The following COL19A1 variants were observed in gnomAD, a reference collection of about 807,000 sequenced individuals.
The protein encoded by COL19A1 is collagen type XIX alpha 1 chain.
In COL19A1, 159 loss-of-function variants were observed where a neutral mutation model predicts 190.2. The observed-to-expected ratio is 0.84, with a 90% CI of 0.73 to 0.95. COL19A1 has a LOEUF of 0.95. COL19A1 is among the 40% of genes least tolerant of loss of function. The probability of loss-of-function intolerance (pLI) is 0.00; values close to 1 mark genes in which losing one functional copy is unlikely to be tolerated. For missense variants in COL19A1, 1,418 were observed against 1,431.9 expected (o/e 0.99, Z 0.16); for synonymous variants, 509 against 458.9 (o/e 1.11, Z -1.39).
chr6:70,109,031 AAC>A (rs1430569115), intron 16 of COL19A1, among the ~76,000 whole-genome samples: 1 of 152,292 alleles, frequency 6.6e-6, no homozygotes, highest in Admixed American at 6.6e-5. Context: ...AGTGGTTAAA[AAC>A]ACAAAGCAAC....
intron 2 of COL19A1, among the ~76,000 whole-genome samples, chr6:69,886,637 G>A (rs1768965483): frequency 6.6e-6 from 1 of 151,536 alleles, no homozygotes. Flanking sequence ...TTTGTGTGGT[G>A]AAATTTTAGT....
At chr6:70,003,835 T>G (rs765158621) in intron 11 of COL19A1, among the ~76,000 whole-genome samples, 18 of 152,224 alleles carry the variant, frequency 1.2e-4, no homozygotes, top group Non-Finnish European at 2.2e-4. Flanking sequence ...AATTTGCCAG[T>G]CTGTGTCTTT....
intron 14 of COL19A1, among the ~76,000 whole-genome samples, chr6:70,054,307 G>A (rs373340080): frequency 7.9e-5 from 12 of 152,258 alleles, no homozygotes; most frequent in South Asian, 2.1e-4. Context: ...CTGGAATTGC[G>A]CCACTGTACT....
rs754010214 is a variant in COL19A1, at chr6:70,165,947, G to A, written c.2407G>A (p.Asp803Asn). The A allele has an allele frequency of 6.2e-6, 10 of 1,613,840 alleles. 1 individual carries two copies. The South Asian group carries it at 7.7e-5, about 12-fold the overall frequency. ...GTCTATATATCCCTTGCAGGGCAGC[G>A]ACGGACCCCCTGGGAAACCCGGACC... is the stretch of plus-strand genomic sequence containing the variant. ...PTGAKGEKGS[D>N]GPPGKPGPPG... The change falls in exon 37 of 51, where the codon GAC (aspartate) becomes AAC (asparagine). Residue 803 changes from aspartate to asparagine, a missense_variant. Transcript: ENST00000620364.
At chr6:70,187,983 T>C in intron 46 of COL19A1, 92 bp from the exon 47 acceptor site, 1 of 1,437,328 alleles carries the variant, frequency 7.0e-7, no homozygotes, top group Non-Finnish European at 9.5e-7. Context: ...GCCCAACAGC[T>C]AATAAGTGCC....
At chr6:70,060,570 G>A (rs1780769900) in intron 14 of COL19A1, among the ~76,000 whole-genome samples, 2 of 152,042 alleles carry the variant, frequency 1.3e-5, no homozygotes, top group African/African-American at 4.8e-5. Context: ...TCTCATAAGA[G>A]CATGAACCCT....
intron 31 of COL19A1, among the ~76,000 whole-genome samples, chr6:70,154,815 A>G (rs60172937): frequency 0.022 from 3,307 of 152,242 alleles, 119 homozygotes; most frequent in African/African-American, 0.073. Flanking sequence ...CTTATGTTTG[A>G]GGGCAGGAAG....
chr6:70,161,869 C>G (rs1787827793), intron 34 of COL19A1, 31 bp from the exon 35 acceptor site: 6 of 1,585,972 alleles, frequency 3.8e-6, no homozygotes, highest in East Asian at 2.3e-5. Flanking sequence ...AATGATATAA[C>G]AGATTTTATG....
chr6:70,156,444 T>C (rs757525123), intron 33 of COL19A1, 75 bp downstream of exon 33: 15 of 1,354,598 alleles, frequency 1.1e-5, no homozygotes, highest in Non-Finnish European at 1.5e-5. Flanking sequence ...GATTTGAAAA[T>C]AGACAACTTT....
chr6:69,929,822 T>G, intron 6 of COL19A1, 122 bp downstream of exon 6: 1 of 931,716 alleles, frequency 1.1e-6, no homozygotes, highest in Admixed American at 3.2e-5. Context: ...TTTATTAATT[T>G]AATTAATTTG....
At chr6:70,196,920 C>T (rs1207477381) in intron 48 of COL19A1, among the ~76,000 whole-genome samples, 3 of 152,002 alleles carry the variant, frequency 2.0e-5, no homozygotes, top group East Asian at 1.9e-4. Flanking sequence ...AGGTAATTAC[C>T]CTTATGCTAA....
chr6:70,087,276 C>T lies in COL19A1; in HGVS notation c.1225-14893C>T, dbSNP rs901623270. On this transcript the variant is annotated intron_variant, in intron 15 of 50. Transcript: ENST00000620364. ...GTGTGGTTGATGGTGATACATGCAA[C>T]CAAGATTAAGAAAGCAGAGGAAGGG... Among the ~76,000 whole-genome samples the T allele has an allele frequency of 2.6e-5, 4 of 152,074 alleles. No homozygotes were observed. In the East Asian group the frequency reaches 7.7e-4, roughly 29 times the overall value.
At chr6:69,998,366 C>G (rs1297552089) in intron 11 of COL19A1, among the ~76,000 whole-genome samples, 1 of 151,774 alleles carries the variant, frequency 6.6e-6, no homozygotes, top group Non-Finnish European at 1.5e-5. Flanking sequence ...TCCCTTTAGC[C>G]AGGCTTGGTG....
At chr6:69,905,960 TAA>T (rs1328077829) in intron 4 of COL19A1, among the ~76,000 whole-genome samples, 1 of 152,218 alleles carries the variant, frequency 6.6e-6, no homozygotes, top group Non-Finnish European at 1.5e-5. Context: ...CCTAGTTATT[TAA>T]AAGAGATAAT....
At chr6:70,116,787 C>T (rs1039987063) in intron 16 of COL19A1, among the ~76,000 whole-genome samples, 60 of 152,112 alleles carry the variant, frequency 3.9e-4, no homozygotes, top group Admixed American at 1.3e-4. Flanking sequence ...TACAGAAAAG[C>T]GATTTTTTAG....
intron 11 of COL19A1, among the ~76,000 whole-genome samples, chr6:69,970,282 G>T (rs574980155): frequency 6.6e-6 from 1 of 151,998 alleles, no homozygotes; most frequent in Non-Finnish European, 1.5e-5. Flanking sequence ...TTAAAGTTAG[G>T]TTTATATAGT....
At chr6:70,010,016 T>G (rs1777890372) in intron 11 of COL19A1, among the ~76,000 whole-genome samples, 1 of 152,178 alleles carries the variant, frequency 6.6e-6, no homozygotes, top group African/African-American at 2.4e-5. Flanking sequence ...GAATAAATAC[T>G]TTGTGACTTT....
At chr6:70,129,577 G>A (rs1041539075) in intron 17 of COL19A1, among the ~76,000 whole-genome samples, 6 of 152,218 alleles carry the variant, frequency 3.9e-5, no homozygotes, top group African/African-American at 1.4e-4. Flanking sequence ...GAAGCCTGGC[G>A]CAGTCGCTCA....
chr6:70,104,294 T>A (rs6912011), intron 16 of COL19A1, among the ~76,000 whole-genome samples: 65,877 of 151,944 alleles, frequency 0.43, 14,645 homozygotes, highest in South Asian at 0.6. Flanking sequence ...GTTCCACAGG[T>A]TGTTCAGGAG....
Sources: allele counts gnomAD v4.1 joint callset (sites outside exome capture counted in the v4.1 genomes callset), GRCh38; gene constraint gnomAD v4.1.1; transcripts MANE v1.5; gene names NCBI Gene and HGNC (gene_info 2026-07-23, HGNC 2026-07-21).